MET: variants seen among roughly 807,000 people sequenced by gnomAD.
The protein encoded by MET is hepatocyte growth factor receptor.
Under a neutral mutation model 133.1 loss-of-function variants are expected in MET, and 48 were observed. That is an observed-to-expected ratio of 0.36 (90% CI 0.29 to 0.46). The LOEUF is 0.46. Ranked by LOEUF, MET falls within the 20% of genes least tolerant of loss-of-function variation. The pLI, the probability that MET is intolerant of heterozygous loss-of-function variation, is 1.00. For missense variants in MET, 1,442 were observed against 1,695.9 expected (o/e 0.85, Z 2.63); for synonymous variants, 628 against 616.5 (o/e 1.02, Z -0.28).
intron 2 of MET, among the ~76,000 whole-genome samples, chr7:116,708,449 C>A (rs1239967692): frequency 6.6e-6 from 1 of 152,172 alleles, no homozygotes; most frequent in African/African-American, 2.4e-5. Context: ...TTAGTGCATA[C>A]TATCTTACAC....
chr7:116,796,150 T>A lies in MET; in HGVS notation c.*26T>A, dbSNP rs781614353. ...TGCTAGTACTATGTCAAAGCAACAG[T>A]CCACACTTTGTCCAATGGTTTTTTC... On this transcript the variant is annotated 3_prime_UTR_variant, in exon 21 of 21. Transcript: ENST00000397752. The A allele has an allele frequency of 2.5e-6, 4 of 1,600,062 alleles. No homozygotes were observed. In the South Asian group the frequency reaches 3.3e-5, roughly 13 times the overall value.
chr7:116,706,435 T>C (rs1791796306), intron 2 of MET, among the ~76,000 whole-genome samples: 1 of 152,162 alleles, frequency 6.6e-6, no homozygotes, highest in African/African-American at 2.4e-5. Flanking sequence ...TCCACAACTC[T>C]GATACATGAT....
At chr7:116,745,939 T>C (rs1267457825) in intron 5 of MET, among the ~76,000 whole-genome samples, 3 of 152,152 alleles carry the variant, frequency 2.0e-5, no homozygotes, top group Non-Finnish European at 4.4e-5. Flanking sequence ...TGGGATCTAA[T>C]TAAACTAAAG....
At chr7:116,688,230 CTT>C (rs574732421) in intron 1 of MET, among the ~76,000 whole-genome samples, 2 of 145,546 alleles carry the variant, frequency 1.4e-5, no homozygotes, top group Admixed American at 1.4e-4. Context: ...TTGATTGCCT[CTT>C]TTTTTTTTTA....
intron 1 of MET, among the ~76,000 whole-genome samples, chr7:116,679,792 G>A (rs187149837): frequency 7.7e-4 from 118 of 152,296 alleles, no homozygotes; most frequent in African/African-American, 2.7e-3. Flanking sequence ...TCCTGTTTGT[G>A]AATGTGTATT....
chr7:116,698,797 T>A (rs1296318268), intron 1 of MET, among the ~76,000 whole-genome samples: 1 of 152,198 alleles, frequency 6.6e-6, no homozygotes, highest in East Asian at 1.9e-4. Flanking sequence ...TCTAACTTAG[T>A]TACTGTATCA....
chr7:116,770,280 C>T (rs977060393), intron 12 of MET, among the ~76,000 whole-genome samples: 4 of 152,098 alleles, frequency 2.6e-5, no homozygotes, highest in African/African-American at 9.7e-5. Flanking sequence ...AGAACCAAAG[C>T]GAGTGATCTT....
At chr7:116,690,374 A>C (rs1796737519) in intron 1 of MET, among the ~76,000 whole-genome samples, 1 of 152,126 alleles carries the variant, frequency 6.6e-6, no homozygotes. Flanking sequence ...ATCCCATCTA[A>C]GTCTGTCTGA....
chr7:116,732,668 G>A (rs762601535), intron 3 of MET, among the ~76,000 whole-genome samples: 12 of 152,246 alleles, frequency 7.9e-5, no homozygotes, highest in South Asian at 6.2e-4. Context: ...GGGAGATTTC[G>A]TAATTGTCTG....
At chr7:116,741,067 G>GTTTTTTTTTTTTTTTTTGTTTTGTT in intron 5 of MET, 42 bp downstream of exon 5, 1 of 1,348,780 alleles carries the variant, frequency 7.4e-7, no homozygotes, top group Non-Finnish European at 1.0e-6. Flanking sequence ...TTTGTTTGGT[G>GTTTTTTTTTTTTTTTTTGTTTTGTT]TTTTTTTTTT....
intron 11 of MET, among the ~76,000 whole-genome samples, chr7:116,768,997 A>G (rs1794736239): frequency 6.6e-6 from 1 of 152,250 alleles, no homozygotes. Flanking sequence ...CTCAAATTAT[A>G]ATAGTCATAC....
At chr7:116,747,694 A>G (rs1793745291) in intron 5 of MET, among the ~76,000 whole-genome samples, 1 of 152,208 alleles carries the variant, frequency 6.6e-6, no homozygotes, top group Non-Finnish European at 1.5e-5. Context: ...TTAACACCCC[A>G]CTATCAACAT....
chr7:116,752,632 C>T (rs895331717), intron 5 of MET, among the ~76,000 whole-genome samples: 5 of 152,196 alleles, frequency 3.3e-5, no homozygotes, highest in Non-Finnish European at 7.3e-5. Context: ...CTAAGCAGAG[C>T]GAGCCTCTTG....
At chr7:116,711,872 G>A (rs1792014424) in intron 2 of MET, among the ~76,000 whole-genome samples, 2 of 152,088 alleles carry the variant, frequency 1.3e-5, no homozygotes, top group South Asian at 4.1e-4. Flanking sequence ...GTGATGTGCT[G>A]GTAAATGTTA....
intron 5 of MET, among the ~76,000 whole-genome samples, chr7:116,752,325 C>T (rs1793955437): frequency 6.6e-6 from 1 of 152,086 alleles, no homozygotes; most frequent in South Asian, 2.1e-4. Flanking sequence ...ATTTAAAATA[C>T]TGTTGGAATG....
At chr7:116,764,031 T>C (rs1254215342) in intron 11 of MET, among the ~76,000 whole-genome samples, 1 of 152,186 alleles carries the variant, frequency 6.6e-6, no homozygotes, top group East Asian at 1.9e-4. Flanking sequence ...CATTTAGAAT[T>C]TTTTTTCCTG....
intron 1 of MET, among the ~76,000 whole-genome samples, chr7:116,687,167 C>T (rs895730756): frequency 3.3e-5 from 5 of 152,156 alleles, no homozygotes; most frequent in South Asian, 4.1e-4. Flanking sequence ...ATACACATAC[C>T]GCCTATATAC....
chr7:116,712,223 C>A (rs1249186892), intron 2 of MET, among the ~76,000 whole-genome samples: 2 of 152,196 alleles, frequency 1.3e-5, no homozygotes, highest in Non-Finnish European at 2.9e-5. Context: ...TTCTTTAAAA[C>A]TTCCATGCTG....
intron 2 of MET, among the ~76,000 whole-genome samples, chr7:116,716,334 A>AGG: frequency 7.5e-6 from 1 of 133,954 alleles, no homozygotes; most frequent in South Asian, 2.4e-4. Context: ...AGAGAGAGAG[A>AGG]GAGAAAAGAA....
Sources: gnomAD v4.1 joint callset for allele counts (sites outside exome capture counted in the v4.1 genomes callset) on GRCh38, gnomAD v4.1.1 for gene constraint, MANE v1.5 for transcripts, NCBI Gene and HGNC (gene_info 2026-07-23, HGNC 2026-07-21) for gene names.